IGSF21: variants seen among roughly 807,000 people sequenced by gnomAD.
IGSF21 encodes the protein immunoglobin superfamily member 21, also known as immunoglobulin superfamily member 21.
IGSF21 carries 28 observed loss-of-function variants against 46.8 expected under a neutral mutation model. The observed-to-expected ratio is 0.60, with a 90% CI of 0.44 to 0.82. The LOEUF (loss-of-function observed/expected upper bound fraction) is 0.82, where lower values mean the gene tolerates loss of function less well. Among genes scored for constraint, IGSF21 ranks in the 40% least tolerant of loss-of-function variants. The pLI is 0.00. For synonymous variants in IGSF21, 284 were observed against 273.6 expected (o/e 1.04, Z -0.38); for missense variants, 624 against 665.5 (o/e 0.94, Z 0.69).
chr1:18,182,442 G>C (rs897595215), intron 1 of IGSF21, among the ~76,000 whole-genome samples: 2 of 152,082 alleles, frequency 1.3e-5, no homozygotes, highest in African/African-American at 4.8e-5. Context: ...GCCTCCCAAA[G>C]TGCTAGGATT....
At position 18,127,765 on chromosome 1, in the gene IGSF21, C is replaced by T. The variant is rs544079673; in HGVS notation, c.70+19567C>T. ...CAAACAAATAAAGAATAAAATTAGC[C>T]GGGCATGGTGGCACACTCCTGTAGT... On this transcript the variant is annotated intron_variant, in intron 1 of 9. Transcript: ENST00000251296. Among the ~76,000 whole-genome samples the T allele has an allele frequency of 3.9e-5, 6 of 152,014 alleles. No individual in the cohort carries two copies. The South Asian group carries it at 6.2e-4, about 16-fold the overall frequency.
At position 18,365,303 on chromosome 1, in the gene IGSF21, G is replaced by A. The variant is rs868350157; in HGVS notation, c.621G>A (p.Gln207=). The change falls in exon 6 of 10, where the codon CAG becomes CAA. Residue 207 remains glutamine (Q), a synonymous_variant. Coordinates refer to ENST00000251296, the MANE Select transcript of IGSF21 (RefSeq NM_032880.5). This position sits in a 1 kb window ranked among gnomAD's most constrained non-coding sequence, Gnocchi z 4.8. ...CAGCTGCGAGCTCCGGCCCCCTACA[G>A]GACAGCAGGCCCTTCCGCAGCCTTC... is the stretch of plus-strand genomic sequence containing the variant. ...EPPAASSGPL[Q]DSRPFRSLLH... is the part of the protein sequence containing the mutation. 1.9e-6 allele frequency: 3 copies of A among 1,613,932 alleles called. No individual in the cohort carries two copies. Among genetic ancestry groups the A allele is most frequent in the Admixed American group, 1.7e-5 (1 of 59,990 alleles).
intron 3 of IGSF21, 122 bp downstream of exon 3, chr1:18,292,109 G>A: frequency 9.6e-7 from 1 of 1,040,290 alleles, no homozygotes; most frequent in Admixed American, 2.2e-5. Context: ...TTGGAAGGCA[G>A]AACTGGGGGC....
intron 1 of IGSF21, among the ~76,000 whole-genome samples, chr1:18,129,478 C>T (rs556858776): frequency 4.6e-5 from 7 of 152,272 alleles, no homozygotes; most frequent in South Asian, 2.1e-4. Context: ...GGTTCAACCA[C>T]GCCACCTCGA....
intron 2 of IGSF21, among the ~76,000 whole-genome samples, chr1:18,245,909 ACT>A (rs1276087153): frequency 6.6e-6 from 1 of 152,104 alleles, no homozygotes; most frequent in Non-Finnish European, 1.5e-5. Context: ...CTGACCGATG[ACT>A]CTCCCCTTCA....
chr1:18,247,464 G>C (rs930033385), intron 2 of IGSF21, among the ~76,000 whole-genome samples: 1 of 152,092 alleles, frequency 6.6e-6, no homozygotes. Flanking sequence ...AGCTTCTGGA[G>C]CTCTTACACT....
At chr1:18,269,408 TGGAGGA>T (rs1371850726) in intron 2 of IGSF21, among the ~76,000 whole-genome samples, 1 of 152,086 alleles carries the variant, frequency 6.6e-6, no homozygotes, top group South Asian at 2.1e-4. Flanking sequence ...GAGGACTTGT[TGGAGGA>T]GGAGGAGGAG....
chr1:18,323,950 C>A (rs539776210), intron 3 of IGSF21, among the ~76,000 whole-genome samples: 2 of 152,164 alleles, frequency 1.3e-5, no homozygotes, highest in African/African-American at 4.8e-5. Flanking sequence ...AGGGGCTCAG[C>A]TCTTAGGTAG....
In IGSF21 at chr1:18,208,397, T is replaced by TATATATATATATATATATA. The variant is rs368652183; in HGVS notation, c.71-19501_71-19500insATATATATATATATATATA. Among the ~76,000 whole-genome samples, 846 of 92,426 alleles carry TATATATATATATATATATA rather than the reference T, an allele frequency of 9.2e-3. 110 individuals carry two copies. Among genetic ancestry groups the TATATATATATATATATATA allele is most frequent in the Middle Eastern group, 0.02 (3 of 152 alleles). The allele number at this position is 92,426 out of a possible 152,430, so 60.6% of individuals were successfully genotyped here. ...GAATAATATATATATATATATATAT[T>TATATATATATATATATATA]TTTTGAGACGGAGTCTTGCTGTCTC... is the stretch of plus-strand genomic sequence containing the variant. On this transcript the variant is annotated intron_variant, in intron 1 of 9. Transcript: ENST00000251296.
chr1:18,238,627 G>T (rs2084695576), intron 2 of IGSF21, among the ~76,000 whole-genome samples: 1 of 31,486 alleles, frequency 3.2e-5, no homozygotes, highest in Non-Finnish European at 9.9e-4. Flanking sequence ...ACTCTTGAGA[G>T]GGGGTGCCAA....
intron 2 of IGSF21, among the ~76,000 whole-genome samples, chr1:18,274,119 A>G (rs560287481): frequency 6.6e-6 from 1 of 152,376 alleles, no homozygotes; most frequent in East Asian, 1.9e-4. Context: ...TCTTTACCCC[A>G]TTATTATACT....
intron 3 of IGSF21, among the ~76,000 whole-genome samples, chr1:18,295,062 C>T (rs1011617537): frequency 3.3e-5 from 5 of 152,192 alleles, no homozygotes; most frequent in African/African-American, 1.2e-4. Context: ...AGAGCAATTT[C>T]GCGGGTAGCC....
At chr1:18,122,623 CTTTTTTT>C (rs1025219600) in intron 1 of IGSF21, among the ~76,000 whole-genome samples, 1 of 133,070 alleles carries the variant, frequency 7.5e-6, no homozygotes, top group Non-Finnish European at 1.6e-5. Context: ...GATTTTTTTT[CTTTTTTT>C]TTTTTTTTGA....
At chr1:18,198,485 C>T (rs2087032205) in intron 1 of IGSF21, among the ~76,000 whole-genome samples, 1 of 152,226 alleles carries the variant, frequency 6.6e-6, no homozygotes, top group Non-Finnish European at 1.5e-5. Context: ...CGTCATTCAT[C>T]TCCCCCGTTT....
At chr1:18,323,204 T>G (rs189321654) in intron 3 of IGSF21, among the ~76,000 whole-genome samples, 1 of 152,290 alleles carries the variant, frequency 6.6e-6, no homozygotes, top group Admixed American at 6.5e-5. Flanking sequence ...GTTTGCCCAC[T>G]GGTAAATCAT....
intron 1 of IGSF21, among the ~76,000 whole-genome samples, chr1:18,144,046 CT>C (rs1165125593): frequency 1.3e-5 from 2 of 152,172 alleles, no homozygotes; most frequent in African/African-American, 4.8e-5. Flanking sequence ...TGGGAGCCCC[CT>C]GAGGTCTGTG....
chr1:18,314,419 G>GC (rs2085520356), intron 3 of IGSF21, among the ~76,000 whole-genome samples: 1 of 152,052 alleles, frequency 6.6e-6, no homozygotes. Flanking sequence ...AGCGGAGGTC[G>GC]CCCATTATAG....
intron 3 of IGSF21, among the ~76,000 whole-genome samples, chr1:18,294,987 G>C (rs573107348): frequency 6.6e-6 from 1 of 152,258 alleles, no homozygotes; most frequent in Admixed American, 6.5e-5. Context: ...TGTCTGAGCC[G>C]TTTCCTCTTC....
At chr1:18,321,322 A>G (rs1280653508) in intron 3 of IGSF21, among the ~76,000 whole-genome samples, 7 of 151,460 alleles carry the variant, frequency 4.6e-5, no homozygotes, top group Admixed American at 3.3e-4. Context: ...GCCCTTTATG[A>G]CTCTCTCTCC....
Sources: gnomAD v4.1 joint callset for allele counts (sites outside exome capture counted in the v4.1 genomes callset) on GRCh38, gnomAD v4.1.1 for gene constraint, Gnocchi (gnomAD v3.1) non-coding constraint, MANE v1.5 for transcripts, NCBI Gene and HGNC (gene_info 2026-07-23, HGNC 2026-07-21) for gene names.